The following AFG2A variants were observed in gnomAD, a reference collection of about 807,000 sequenced individuals.
The protein encoded by AFG2A is ATPase family gene 2 protein homolog A.
chr4:123,017,184 A>AC, the AFG2A span, among the ~76,000 whole-genome samples: 1 of 20,632 alleles, frequency 4.8e-5, no homozygotes, highest in Non-Finnish European at 8.7e-5. Context: ...GAGGGGGGAG[A>AC]GGGAAAGGGA....
At chr4:122,934,480 A>G in the AFG2A span, 102 of 1,614,138 alleles carry the variant, frequency 6.3e-5, no homozygotes, top group Middle Eastern at 3.3e-4. Flanking sequence ...TGAATCTGCC[A>G]GAGAAGGAAA....
chr4:123,069,978 G>A, the AFG2A span, among the ~76,000 whole-genome samples: 8 of 152,076 alleles, frequency 5.3e-5, no homozygotes, highest in African/African-American at 1.4e-4. Flanking sequence ...CTTAGTATTC[G>A]CTTGGTGGTT....
chr4:123,314,472 A>G, the AFG2A span: 1 of 152,874 alleles, frequency 6.5e-6, no homozygotes, highest in Admixed American at 6.5e-5. Context: ...TAGGGATATA[A>G]AAAAGTGTAT....
the AFG2A span, among the ~76,000 whole-genome samples, chr4:123,230,026 A>C: frequency 2.0e-5 from 3 of 152,000 alleles, no homozygotes; most frequent in Non-Finnish European, 4.4e-5. Context: ...CTGAGCCTTC[A>C]GCAAATCATA....
At chr4:123,181,529 C>T in the AFG2A span, among the ~76,000 whole-genome samples, 1 of 152,144 alleles carries the variant, frequency 6.6e-6, no homozygotes, top group Non-Finnish European at 1.5e-5. Flanking sequence ...GGGTGGATTG[C>T]TTGAGCCCAT....
chr4:123,017,676 T>C, the AFG2A span, among the ~76,000 whole-genome samples: 1 of 152,130 alleles, frequency 6.6e-6, no homozygotes, highest in African/African-American at 2.4e-5. Flanking sequence ...AAAATATGTG[T>C]CTTTTGAACA....
chr4:122,934,121 A>G, the AFG2A span: 10 of 1,598,102 alleles, frequency 6.3e-6, no homozygotes, highest in Non-Finnish European at 8.5e-6. Flanking sequence ...TTACCAGGCA[A>G]CTTTCTGTAT....
At chr4:123,177,381 C>T in the AFG2A span, among the ~76,000 whole-genome samples, 5 of 151,930 alleles carry the variant, frequency 3.3e-5, no homozygotes, top group East Asian at 1.9e-4. Context: ...TTAGTAGAGA[C>T]GGGGTTTCAC....
chr4:123,194,996 TTCATTTCC>T, the AFG2A span, among the ~76,000 whole-genome samples: 7 of 152,236 alleles, frequency 4.6e-5, no homozygotes, highest in Non-Finnish European at 1.0e-4. Context: ...CATCCTTCCA[TTCATTTCC>T]TCATTCGTTC....
At chr4:123,087,975 G>A in the AFG2A span, among the ~76,000 whole-genome samples, 2 of 152,142 alleles carry the variant, frequency 1.3e-5, no homozygotes, top group African/African-American at 4.8e-5. Context: ...ACTGCAGGCA[G>A]CCATGGTGTT....
chr4:123,313,982 G>A, the AFG2A span: 1 of 1,612,774 alleles, frequency 6.2e-7, no homozygotes, highest in Non-Finnish European at 8.5e-7. Context: ...CAGGCCTTGA[G>A]CACTGTGACA....
At chr4:123,153,777 AAAAAG>A in the AFG2A span, among the ~76,000 whole-genome samples, 3 of 152,166 alleles carry the variant, frequency 2.0e-5, no homozygotes, top group East Asian at 5.8e-4. Flanking sequence ...AACCAGTGAT[AAAAAG>A]AAAACTTTAA....
At chr4:123,137,576 A>G in the AFG2A span, among the ~76,000 whole-genome samples, 3 of 152,244 alleles carry the variant, frequency 2.0e-5, no homozygotes, top group African/African-American at 7.2e-5. Context: ...TTTAACATGT[A>G]TGTATTATTT....
At chr4:122,944,637 G>T in the AFG2A span, among the ~76,000 whole-genome samples, 125 of 152,284 alleles carry the variant, frequency 8.2e-4, no homozygotes, top group African/African-American at 3.0e-3. Flanking sequence ...CTCTCAACTT[G>T]TCAAAGTCAT....
the AFG2A span, among the ~76,000 whole-genome samples, chr4:123,279,774 G>GT: frequency 6.6e-6 from 1 of 152,198 alleles, no homozygotes; most frequent in South Asian, 2.1e-4. Context: ...AGAAATGAGA[G>GT]TTGTAATTAT....
the AFG2A span, among the ~76,000 whole-genome samples, chr4:123,002,794 C>T: frequency 6.6e-6 from 1 of 152,106 alleles, no homozygotes; most frequent in Admixed American, 6.5e-5. Context: ...TGGAGTTGCT[C>T]TTCTCGAGGA....
At chr4:123,295,455 A>G in the AFG2A span, among the ~76,000 whole-genome samples, 3 of 152,278 alleles carry the variant, frequency 2.0e-5, no homozygotes, top group African/African-American at 4.8e-5. Flanking sequence ...AAACAGCTCA[A>G]ATATCTTTTA....
chr4:122,969,210 G>A, the AFG2A span, among the ~76,000 whole-genome samples: 1 of 151,692 alleles, frequency 6.6e-6, no homozygotes, highest in Non-Finnish European at 1.5e-5. Context: ...AAGAAATCTT[G>A]GTCAAATCTA....
the AFG2A span, among the ~76,000 whole-genome samples, chr4:123,016,409 G>T: frequency 6.6e-6 from 1 of 151,554 alleles, no homozygotes; most frequent in Non-Finnish European, 1.5e-5. Flanking sequence ...CTCAGACAGG[G>T]CGGCTGGGCA....
Sources: gnomAD v4.1 joint callset for allele counts (sites outside exome capture counted in the v4.1 genomes callset) on GRCh38, gnomAD v4.1.1 for gene constraint, MANE v1.5 for transcripts, NCBI Gene and HGNC (gene_info 2026-07-23, HGNC 2026-07-21) for gene names.